Variants in ABCD3 observed in about 807,000 individuals in gnomAD.
ABCD3 encodes the protein ATP-binding cassette sub-family D member 3.
In ABCD3, 41 loss-of-function variants were observed where a neutral mutation model predicts 105.5. The observed-to-expected ratio is 0.39, with a 90% CI of 0.30 to 0.50. The LOEUF is 0.50. Among genes scored for constraint, ABCD3 ranks in the 20% least tolerant of loss-of-function variants. The probability of loss-of-function intolerance (pLI) is 0.84; values close to 1 mark genes in which losing one functional copy is unlikely to be tolerated. For synonymous variants in ABCD3, 258 were observed against 269.0 expected (o/e 0.96, Z 0.40); for missense variants, 622 against 806.3 (o/e 0.77, Z 2.77).
Position 94,483,194 on chromosome 1 carries a change from G to T in ABCD3, c.852G>T (p.Gly284=). 1 of 1,611,752 alleles carries T rather than the reference G, an allele frequency of 6.2e-7. No individual in the cohort carries two copies. The highest frequency in any genetic ancestry group is 8.5e-7 in the Non-Finnish European group (1 of 1,178,056). Residue 284 remains glycine, a synonymous_variant, in exon 10 of 23, where the codon GGG becomes GGT. Transcript: ENST00000370214. ...TNSEEIAFYN[G]NKREKQTVHS... ...GTGAAGAAATTGCCTTTTACAATGG[G>T]AATAAAAGAGAAAAGCAGACAGTCC...
At chr1:94,494,236 G>A (rs934593219) in intron 16 of ABCD3, among the ~76,000 whole-genome samples, 2 of 151,774 alleles carry the variant, frequency 1.3e-5, no homozygotes, top group Non-Finnish European at 2.9e-5. Context: ...CTCTTTTTTG[G>A]GTTTCATTTG....
At chr1:94,470,281 G>T (rs374642352) in intron 4 of ABCD3, among the ~76,000 whole-genome samples, 2 of 152,116 alleles carry the variant, frequency 1.3e-5, no homozygotes, top group East Asian at 1.9e-4. Flanking sequence ...TCTGTTCTGG[G>T]TCTCAACCTT....
intron 16 of ABCD3, among the ~76,000 whole-genome samples, chr1:94,494,065 G>A (rs1488259224): frequency 6.6e-6 from 1 of 151,752 alleles, no homozygotes; most frequent in Non-Finnish European, 1.5e-5. Flanking sequence ...TGCACATTGT[G>A]CACATGTACC....
At chr1:94,395,539 C>G in the ABCD3 span, among the ~76,000 whole-genome samples, 7 of 152,178 alleles carry the variant, frequency 4.6e-5, no homozygotes, top group African/African-American at 9.6e-5. Context: ...ATAAGTCCGT[C>G]AGCCTTTTTC....
chr1:94,421,300 T>C (rs1475329175), intron 1 of ABCD3, among the ~76,000 whole-genome samples: 7 of 152,190 alleles, frequency 4.6e-5, no homozygotes, highest in African/African-American at 1.7e-4. Context: ...AACAAATGGA[T>C]ACACTATGTA....
chr1:94,434,878 T>C (rs1659840783), intron 1 of ABCD3, among the ~76,000 whole-genome samples: 1 of 152,174 alleles, frequency 6.6e-6, no homozygotes, highest in South Asian at 2.1e-4. Context: ...CTAAAAGTAA[T>C]TGCTATCCTG....
chr1:94,455,917 G>A (rs1647532571), intron 1 of ABCD3: 4 of 1,019,496 alleles, frequency 3.9e-6, no homozygotes, highest in South Asian at 2.0e-5. Flanking sequence ...AAGCAGTGTG[G>A]CATTTTTATT....
chr1:94,448,289 G>A (rs1318114229), intron 1 of ABCD3, among the ~76,000 whole-genome samples: 2 of 152,198 alleles, frequency 1.3e-5, no homozygotes, highest in African/African-American at 2.4e-5. Flanking sequence ...AGTACAGCAA[G>A]CTTTTATAAA....
intron 2 of ABCD3, among the ~76,000 whole-genome samples, chr1:94,460,936 A>G (rs1341470941): frequency 6.6e-6 from 1 of 152,124 alleles, no homozygotes; most frequent in Non-Finnish European, 1.5e-5. Flanking sequence ...GATATCTGCA[A>G]GTTCTAGGAC....
In ABCD3 at chr1:94,434,671, C is replaced by G. The variant is rs186927136; in HGVS notation, c.110+16083C>G. 1.5e-4 allele frequency among the ~76,000 whole-genome samples: 23 copies of G among 152,294 alleles called. No individual in the cohort carries two copies. In the East Asian group the frequency reaches 4.0e-3, roughly 27 times the overall value. ...AGTGTAATACAATCATGGTGCAATA[C>G]TCTAAGAGTTAAGGCACCTTTTATT... On this transcript the variant is annotated intron_variant, in intron 1 of 22. Coordinates refer to ENST00000370214, the MANE Select transcript of ABCD3 (RefSeq NM_002858.4).
chr1:94,475,998 C>T (rs1010467198), intron 7 of ABCD3, among the ~76,000 whole-genome samples: 2 of 152,084 alleles, frequency 1.3e-5, no homozygotes, highest in African/African-American at 4.8e-5. Context: ...TCCATTAAAA[C>T]AACAGAAATT....
intron 16 of ABCD3, 66 bp downstream of exon 16, chr1:94,491,313 C>A: frequency 8.2e-7 from 1 of 1,214,320 alleles, no homozygotes; most frequent in Non-Finnish European, 1.2e-6. Context: ...AAAAGATTAC[C>A]TGAATATTTA....
chr1:94,442,872 G>A (rs1660183556), intron 1 of ABCD3, among the ~76,000 whole-genome samples: 2 of 152,104 alleles, frequency 1.3e-5, no homozygotes, highest in Admixed American at 1.3e-4. Context: ...CCATTGATAG[G>A]CACTTAGGTT....
intron 1 of ABCD3, among the ~76,000 whole-genome samples, chr1:94,445,434 G>A (rs1004293407): frequency 1.1e-4 from 17 of 152,220 alleles, no homozygotes; most frequent in African/African-American, 4.1e-4. Context: ...GAGCTCGGAA[G>A]CATCAGGGTA....
intron 1 of ABCD3, among the ~76,000 whole-genome samples, chr1:94,455,515 G>A (rs1461801567): frequency 6.6e-6 from 1 of 152,000 alleles, no homozygotes; most frequent in African/African-American, 2.4e-5. Context: ...AGTAGAGACG[G>A]GGTTTCTCCA....
rs201688515 is a variant in ABCD3, at chr1:94,466,059, C to CT, written c.246+1193dup. ...CTGATGATTCTGCCCTTGAGAAATT[C>CT]TTTTTTTAAAAAAAGTAATGACACT... On this transcript the variant is annotated intron_variant, in intron 3 of 22. Coordinates refer to ENST00000370214, the MANE Select transcript of ABCD3 (RefSeq NM_002858.4). Among the ~76,000 whole-genome samples, 1,264 of 152,136 alleles carry CT rather than the reference C, an allele frequency of 8.3e-3. 14 individuals are homozygous for CT. Among genetic ancestry groups the CT allele is most frequent in the African/African-American group, 0.029 (1,211 of 41,492 alleles).
chr1:94,501,134 A>G (rs1156835939), intron 20 of ABCD3, among the ~76,000 whole-genome samples: 1 of 151,966 alleles, frequency 6.6e-6, no homozygotes, highest in Non-Finnish European at 1.5e-5. Context: ...TTAGGAATTC[A>G]AAGGCGTGCC....
chr1:94,503,906 C>CTTTTTTT (rs71097203), intron 20 of ABCD3, among the ~76,000 whole-genome samples: 1 of 69,788 alleles, frequency 1.4e-5, no homozygotes, highest in Non-Finnish European at 2.6e-5. Context: ...ACAAGTGATT[C>CTTTTTTT]TTTTTTTTTT....
At chr1:94,467,145 C>T (rs560498751) in intron 3 of ABCD3, among the ~76,000 whole-genome samples, 50 of 152,228 alleles carry the variant, frequency 3.3e-4, no homozygotes, top group African/African-American at 1.1e-3. Context: ...GAGAAGCTTG[C>T]GAGAATTTTA....
Sources: allele counts gnomAD v4.1 joint callset (sites outside exome capture counted in the v4.1 genomes callset), GRCh38; gene constraint gnomAD v4.1.1; transcripts MANE v1.5; gene names NCBI Gene and HGNC (gene_info 2026-07-23, HGNC 2026-07-21).